The following TET1 variants were observed in gnomAD, a reference collection of about 807,000 sequenced individuals.
The protein encoded by TET1 is tet methylcytosine dioxygenase 1.
A neutral mutation model predicts 148.7 loss-of-function variants in TET1; 13 were observed. The observed-to-expected ratio is 0.09, with a 90% CI of 0.06 to 0.14. The LOEUF is 0.14. TET1 is among the 10% of genes least tolerant of loss of function. The probability of loss-of-function intolerance (pLI) is 1.00; values close to 1 mark genes in which losing one functional copy is unlikely to be tolerated. For synonymous variants in TET1, 907 were observed against 937.2 expected, an observed-to-expected ratio of 0.97 and a Z score of 0.59; for missense variants, 2,182 against 2,553.8, an observed-to-expected ratio of 0.85 and a Z score of 3.14.
At chr10:68,564,958 G>A (rs900346418) in intron 1 of TET1, among the ~76,000 whole-genome samples, 12 of 152,136 alleles carry the variant, frequency 7.9e-5, no homozygotes, top group Non-Finnish European at 1.8e-4. Context: ...AGGAGTTTAA[G>A]GCTATAGTTA....
chr10:68,686,341 T>A lies in TET1; in HGVS notation c.5053-15T>A. On this transcript the variant is annotated splice_polypyrimidine_tract_variant and intron_variant, in intron 10 of 11. Transcript: ENST00000373644. ...CCCGTATATCTTTCCCATTTCATGT[T>A]TTTCTCCCTATCAGGTTTGTACCTT... is the stretch of plus-strand genomic sequence containing the variant. The A allele has an allele frequency of 6.4e-7, 1 of 1,567,604 alleles. No individual in the cohort carries two copies. Among genetic ancestry groups the A allele is most frequent in the Non-Finnish European group, 8.7e-7 (1 of 1,155,456 alleles).
rs2054700053 is a variant in TET1, at chr10:68,639,134, T to G, written c.1969-5564T>G. 3.9e-5 allele frequency among the ~76,000 whole-genome samples: 6 copies of G among 152,142 alleles called. No homozygotes were observed. In the South Asian group the frequency reaches 1.2e-3, roughly 32 times the overall value. On this transcript the variant is annotated intron_variant, in intron 3 of 11. Coordinates refer to ENST00000373644, the MANE Select transcript of TET1 (RefSeq NM_030625.3). Reference sequence around the variant, plus strand: ...ATTAATGTGAATGTCTTATGAAGATTTTCTTTTCTTTCTTTCTTTTTTTTT... The same window carrying G: ...ATTAATGTGAATGTCTTATGAAGATGTTCTTTTCTTTCTTTCTTTTTTTTT...
In TET1 at chr10:68,691,484, G is replaced by T. The variant is rs747107596; in HGVS notation, c.6081G>T (p.Leu2027=). The T allele has an allele frequency of 1.2e-6, 2 of 1,614,002 alleles. No homozygotes were observed. Among genetic ancestry groups the T allele is most frequent in the Non-Finnish European group, 1.7e-6 (2 of 1,180,014 alleles). The change falls in exon 12 of 12, where the codon CTG becomes CTT. Residue 2027 remains leucine, a synonymous_variant. Transcript: ENST00000373644. This position sits in a 1 kb window ranked among gnomAD's most constrained non-coding sequence, Gnocchi z 4.4. ...TGATTGAGTGTGCCCGGCGAGAGCT[G>T]CACGCTACCACTCCTGTTGAGCACC... is the stretch of plus-strand genomic sequence containing the variant. The part of the protein sequence containing the change: ...SVLIECARRE[L]HATTPVEHPN...
intron 7 of TET1, 117 bp from the exon 8 acceptor site, chr10:68,672,778 A>C: frequency 4.4e-6 from 3 of 686,236 alleles, no homozygotes; most frequent in Non-Finnish European, 6.9e-6. Flanking sequence ...ATAATAGATA[A>C]GTGTTATAAC....
intron 3 of TET1, among the ~76,000 whole-genome samples, chr10:68,606,617 A>G (rs1326058568): frequency 1.3e-5 from 2 of 151,916 alleles, no homozygotes; most frequent in Non-Finnish European, 2.9e-5. Flanking sequence ...AAAAAAAAAA[A>G]CACATGTCAT....
At chr10:68,690,591 AC>A (rs1290285735) in intron 11 of TET1, among the ~76,000 whole-genome samples, 1 of 152,246 alleles carries the variant, frequency 6.6e-6, no homozygotes, top group Non-Finnish European at 1.5e-5. Flanking sequence ...TCCAAAAAAA[AC>A]ATAAAAATAA....
chr10:68,676,268 ATTTTT>A (rs1217792442), intron 8 of TET1, among the ~76,000 whole-genome samples: 17 of 35,982 alleles, frequency 4.7e-4, no homozygotes, highest in African/African-American at 1.0e-3. Flanking sequence ...ATATATATAT[ATTTTT>A]TTTTTTTTTT....
In TET1 at chr10:68,626,962, A is replaced by G. The variant is rs189523698; in HGVS notation, c.1969-17736A>G. Among the ~76,000 whole-genome samples, 680 of 152,348 alleles carry G rather than the reference A, an allele frequency of 4.5e-3. 3 individuals carry two copies. The highest frequency in any genetic ancestry group is 0.015 in the African/African-American group (642 of 41,586). ...AAGTCTGTCTTTAAGACATTTGTAC[A>G]GTTAAGAATTATTAGAAAAAGAACA... On this transcript the variant is annotated intron_variant, in intron 3 of 11. Coordinates refer to ENST00000373644, the MANE Select transcript of TET1 (RefSeq NM_030625.3).
chr10:68,563,705 G>A (rs1204630471), intron 1 of TET1, among the ~76,000 whole-genome samples: 2 of 152,124 alleles, frequency 1.3e-5, no homozygotes, highest in African/African-American at 4.8e-5. Context: ...TTTTTGAGAC[G>A]GAGTCTCGCT....
At chr10:68,598,700 CTTTTTT>C (rs36067164) in intron 2 of TET1, among the ~76,000 whole-genome samples, 2 of 129,904 alleles carry the variant, frequency 1.5e-5, no homozygotes, top group Non-Finnish European at 3.2e-5. Context: ...CTTTTTCTTT[CTTTTTT>C]TTTTTTTTTT....
chr10:68,649,184 G>C (rs1375707398), intron 4 of TET1, among the ~76,000 whole-genome samples: 4 of 152,182 alleles, frequency 2.6e-5, no homozygotes, highest in Non-Finnish European at 2.9e-5. Flanking sequence ...TACAAATGCA[G>C]AAACTGAGGC....
At position 68,572,207 on chromosome 10, in the gene TET1, G is replaced by A. The variant is rs2053678307; in HGVS notation, c.-122-10G>A. ...AAGACTCACTTCAGTGTATTCTGTT[G>A]TTATTTCAGACCAAAACCTTGTGTG... On this transcript the variant is annotated splice_polypyrimidine_tract_variant and intron_variant, in intron 1 of 11. Coordinates refer to ENST00000373644, the MANE Select transcript of TET1 (RefSeq NM_030625.3). 2 of 707,790 alleles carry A rather than the reference G, an allele frequency of 2.8e-6. No homozygotes were observed. The highest frequency in any genetic ancestry group is 1.8e-5 in the African/African-American group (1 of 55,516). 43.8% of individuals were successfully genotyped at this position (707,790 alleles called of 1,614,324 possible). A position where few individuals can be genotyped will look rare whatever the true frequency, so the allele number is the denominator to read the frequency against.
intron 8 of TET1, among the ~76,000 whole-genome samples, chr10:68,680,503 G>A (rs2055421642): frequency 6.6e-6 from 1 of 152,136 alleles, no homozygotes; most frequent in South Asian, 2.1e-4. Flanking sequence ...CTCCGTCACG[G>A]CCAGCTAATT....
chr10:68,608,506 A>G (rs911189341), intron 3 of TET1, among the ~76,000 whole-genome samples: 2 of 151,770 alleles, frequency 1.3e-5, no homozygotes, highest in Admixed American at 6.6e-5. Flanking sequence ...AAGTGCTGGG[A>G]TTATAGGCGT....
intron 2 of TET1, among the ~76,000 whole-genome samples, chr10:68,585,744 C>T (rs1324643703): frequency 9.9e-5 from 15 of 151,818 alleles, no homozygotes; most frequent in South Asian, 2.1e-4. Flanking sequence ...GGCACGGTGG[C>T]GCACACCTGT....
intron 3 of TET1, among the ~76,000 whole-genome samples, chr10:68,624,165 C>T (rs1293460034): frequency 6.1e-5 from 9 of 147,232 alleles, no homozygotes; most frequent in East Asian, 2.0e-4. Context: ...GTCGCAATCT[C>T]GGCCCACTGA....
intron 3 of TET1, among the ~76,000 whole-genome samples, chr10:68,616,101 A>C (rs541886550): frequency 6.6e-6 from 1 of 152,338 alleles, no homozygotes; most frequent in African/African-American, 2.4e-5. Context: ...TAACATTGAT[A>C]CAATGCTATT....
intron 1 of TET1, among the ~76,000 whole-genome samples, chr10:68,571,328 G>T (rs1787802001): frequency 6.7e-6 from 1 of 149,230 alleles, no homozygotes. Context: ...TTTTGAGATG[G>T]AGTCTCACTC....
Position 68,572,795 on chromosome 10 carries a change from T to G in TET1, c.457T>G (p.Ser153Ala). The change falls in exon 2 of 12, where the codon TCA becomes GCA. Residue 153 changes from serine to alanine, a missense_variant. This residue lies in a region of TET1 where 665 missense variants were observed against 672.4 expected (regional missense o/e 0.99). Coordinates refer to ENST00000373644, the MANE Select transcript of TET1 (RefSeq NM_030625.3). Reference sequence around the variant, plus strand: ...ACTCCCTGCTTTGGGAGTAAAGCACTCAGAAAATGATTCGGTTCCAATGCA... The same window carrying G: ...ACTCCCTGCTTTGGGAGTAAAGCACGCAGAAAATGATTCGGTTCCAATGCA... ...KILPALGVKH[S>A]ENDSVPMQDT... The G allele has an allele frequency of 6.2e-7, 1 of 1,614,090 alleles. No individual in the cohort carries two copies. The highest frequency in any genetic ancestry group is 1.1e-5 in the South Asian group (1 of 91,076).
Sources: gnomAD v4.1 joint callset for allele counts (sites outside exome capture counted in the v4.1 genomes callset) on GRCh38, gnomAD v4.1.1 for gene constraint, gnomAD v4.1.1 regional missense constraint, Gnocchi (gnomAD v3.1) non-coding constraint, MANE v1.5 for transcripts, NCBI Gene and HGNC (gene_info 2026-07-23, HGNC 2026-07-21) for gene names.